Variants in TENM4 observed in about 807,000 individuals in gnomAD.
TENM4 encodes teneurin-4.
In TENM4, 82 loss-of-function variants were observed where a neutral mutation model predicts 243.3. The observed-to-expected ratio is 0.34, with a 90% CI of 0.28 to 0.40. The LOEUF (loss-of-function observed/expected upper bound fraction) is 0.40, where lower values mean the gene tolerates loss of function less well. TENM4 is among the 10% of genes least tolerant of loss of function. The pLI is 1.00. For synonymous variants in TENM4, 1,412 were observed against 1,456.3 expected (o/e 0.97, Z 0.69); for missense variants, 3,138 against 3,673.3 (o/e 0.85, Z 3.77).
chr11:78,972,347 A>G (rs1295157273), intron 6 of TENM4, among the ~76,000 whole-genome samples: 1 of 152,116 alleles, frequency 6.6e-6, no homozygotes, highest in Non-Finnish European at 1.5e-5. Context: ...AGCGGGTCCC[A>G]GGCCATTTGT....
At chr11:79,231,663 T>A (rs79153302) in intron 2 of TENM4, among the ~76,000 whole-genome samples, 1 of 152,372 alleles carries the variant, frequency 6.6e-6, no homozygotes, top group African/African-American at 2.4e-5. Context: ...TCAGAGCAGT[T>A]GTGGCAATTT....
At chr11:78,746,048 G>A (rs936504876) in intron 19 of TENM4, among the ~76,000 whole-genome samples, 1 of 152,132 alleles carries the variant, frequency 6.6e-6, no homozygotes, top group African/African-American at 2.4e-5. Context: ...TACCTCCAGG[G>A]TTCAAGAGAT....
intron 6 of TENM4, among the ~76,000 whole-genome samples, chr11:79,051,291 C>T (rs932545117): frequency 9.2e-5 from 14 of 152,018 alleles, no homozygotes; most frequent in South Asian, 2.1e-4. Context: ...GTGAGAAGAC[C>T]GAGGCATGGA....
intron 25 of TENM4, among the ~76,000 whole-genome samples, chr11:78,714,910 C>T (rs1006088367): frequency 6.6e-6 from 1 of 152,240 alleles, no homozygotes; most frequent in Non-Finnish European, 1.5e-5. Context: ...GGACATAATG[C>T]TGTGACTGTT....
intron 6 of TENM4, among the ~76,000 whole-genome samples, chr11:79,015,325 ACT>A (rs141157741): frequency 0.021 from 3,188 of 152,324 alleles, 60 homozygotes; most frequent in Non-Finnish European, 0.036. Flanking sequence ...CCTTTGCTGC[ACT>A]GAGTGACGCA....
At chr11:79,048,257 C>T (rs1026257595) in intron 6 of TENM4, among the ~76,000 whole-genome samples, 1 of 152,140 alleles carries the variant, frequency 6.6e-6, no homozygotes, top group Admixed American at 6.5e-5. Flanking sequence ...CATGTCTGAA[C>T]TCAGACAAAA....
intron 28 of TENM4, among the ~76,000 whole-genome samples, chr11:78,691,988 C>T (rs1288672584): frequency 6.6e-6 from 1 of 152,142 alleles, no homozygotes; most frequent in Non-Finnish European, 1.5e-5. Context: ...GCCCCGCACA[C>T]CTTTGCCCTG....
intron 30 of TENM4, among the ~76,000 whole-genome samples, chr11:78,674,570 T>C (rs1308644482): frequency 6.6e-6 from 1 of 152,206 alleles, no homozygotes; most frequent in Non-Finnish European, 1.5e-5. Context: ...GAGGAGCTGC[T>C]CAAGGCTCCA....
At chr11:79,235,182 G>A (rs1864441798) in intron 2 of TENM4, among the ~76,000 whole-genome samples, 2 of 152,078 alleles carry the variant, frequency 1.3e-5, no homozygotes, top group Admixed American at 6.5e-5. Flanking sequence ...GCGTGGTGGT[G>A]TGTGCCTGTA....
At chr11:79,433,099 T>G (rs1859202673) in intron 1 of TENM4, among the ~76,000 whole-genome samples, 1 of 152,230 alleles carries the variant, frequency 6.6e-6, no homozygotes, top group Non-Finnish European at 1.5e-5. Flanking sequence ...CACATCCCTT[T>G]ATAGTGTCAT....
Position 79,078,626 on chromosome 11 carries a change from TC to T in TENM4, c.-65-8618del, listed in dbSNP as rs376223121. Among the ~76,000 whole-genome samples the T allele has an allele frequency of 3.0e-3, 451 of 152,288 alleles. 1 individual carries two copies. The highest frequency in any genetic ancestry group is 5.4e-3 in the Non-Finnish European group (368 of 68,012). On this transcript the variant is annotated intron_variant, in intron 4 of 33. Coordinates refer to ENST00000278550, the MANE Select transcript of TENM4 (RefSeq NM_001098816.3). ...GAATCCGGGAGCTCTGCTTCTGAGGTCTGTACTCTCTGTTGTAGCACCCAGA... is the reference window on the plus strand; with the variant it reads ...GAATCCGGGAGCTCTGCTTCTGAGGTTGTACTCTCTGTTGTAGCACCCAGA...
intron 3 of TENM4, among the ~76,000 whole-genome samples, chr11:79,215,383 C>G (rs909315665): frequency 7.2e-5 from 11 of 152,208 alleles, no homozygotes; most frequent in Non-Finnish European, 1.2e-4. Context: ...CCTCTGATCT[C>G]ACTCCAGTTC....
intron 9 of TENM4, among the ~76,000 whole-genome samples, chr11:78,874,476 C>T (rs1428631703): frequency 6.6e-6 from 1 of 152,068 alleles, no homozygotes; most frequent in Non-Finnish European, 1.5e-5. Flanking sequence ...TGAAACCACC[C>T]ACACAGTTTC....
At chr11:79,119,051 G>C (rs1481264264) in intron 4 of TENM4, among the ~76,000 whole-genome samples, 1 of 151,896 alleles carries the variant, frequency 6.6e-6, no homozygotes, top group East Asian at 1.9e-4. Flanking sequence ...AGGTTCAGAG[G>C]CTAAGCAATA....
intron 3 of TENM4, among the ~76,000 whole-genome samples, chr11:79,198,878 C>T (rs528944485): frequency 3.9e-4 from 60 of 152,266 alleles, no homozygotes; most frequent in Middle Eastern, 6.8e-3. Context: ...AAAGAGGGGG[C>T]TGACCTGATC....
At chr11:78,737,599 C>A (rs977849354) in intron 20 of TENM4, among the ~76,000 whole-genome samples, 3 of 152,188 alleles carry the variant, frequency 2.0e-5, no homozygotes, top group Non-Finnish European at 2.9e-5. Context: ...CTGCCACCAC[C>A]TGGTTTTATT....
chr11:78,697,502 G>A (rs1164973293), intron 28 of TENM4, among the ~76,000 whole-genome samples: 1 of 152,204 alleles, frequency 6.6e-6, no homozygotes, highest in Non-Finnish European at 1.5e-5. Context: ...ACCCATTTCA[G>A]TTGAGTTCTA....
intron 17 of TENM4, among the ~76,000 whole-genome samples, chr11:78,773,143 G>C (rs1486922570): frequency 2.6e-5 from 4 of 152,192 alleles, no homozygotes; most frequent in African/African-American, 9.7e-5. Context: ...TTTGTATTTG[G>C]AATTAGTCCT....
chr11:79,402,143 T>C, intron 1 of TENM4: 1 of 337,734 alleles, frequency 3.0e-6, no homozygotes, highest in Middle Eastern at 4.0e-4. Flanking sequence ...TCGCCAACCA[T>C]GGGGGTTAGG....
Sources: allele counts gnomAD v4.1 joint callset (sites outside exome capture counted in the v4.1 genomes callset), GRCh38; gene constraint gnomAD v4.1.1; transcripts MANE v1.5; gene names NCBI Gene and HGNC (gene_info 2026-07-23, HGNC 2026-07-21).